Variants in CSGALNACT1 observed in about 807,000 individuals in gnomAD.
CSGALNACT1 encodes the protein beta4GalNAcT-1.
In CSGALNACT1, 52 loss-of-function variants were observed where a neutral mutation model predicts 51.0. That is an observed-to-expected ratio of 1.02 (90% CI 0.82 to 1.29). The LOEUF (loss-of-function observed/expected upper bound fraction) is 1.29, where lower values mean the gene tolerates loss of function less well. CSGALNACT1 is among the 50% of genes most tolerant of loss of function. The pLI, the probability that CSGALNACT1 is intolerant of heterozygous loss-of-function variation, is 0.00. For synonymous variants in CSGALNACT1, 341 were observed against 254.4 expected (o/e 1.34, Z -3.24); for missense variants, 935 against 679.2 (o/e 1.38, Z -4.19).
At chr8:19,627,937 A>G (rs921018355) in intron 1 of CSGALNACT1, among the ~76,000 whole-genome samples, 6 of 152,188 alleles carry the variant, frequency 3.9e-5, no homozygotes, top group African/African-American at 1.4e-4. Context: ...AAGTACTATA[A>G]CTATGAAAGA....
At chr8:19,647,907 AAG>A (rs2057423822) in intron 1 of CSGALNACT1, among the ~76,000 whole-genome samples, 1 of 152,194 alleles carries the variant, frequency 6.6e-6, no homozygotes, top group Non-Finnish European at 1.5e-5. Flanking sequence ...GAATAAAAGA[AAG>A]GCACTCTGTG....
chr8:19,562,676 G>T (rs953609181), intron 3 of CSGALNACT1, among the ~76,000 whole-genome samples: 19 of 152,202 alleles, frequency 1.2e-4, no homozygotes, highest in South Asian at 8.3e-4. Flanking sequence ...AACATATGAA[G>T]AAAAGCTCAA....
chr8:19,696,309 G>A (rs2061579910), intron 1 of CSGALNACT1, among the ~76,000 whole-genome samples: 1 of 152,212 alleles, frequency 6.6e-6, no homozygotes, highest in Admixed American at 6.5e-5. Context: ...GATAATGTGT[G>A]TCATATTTTT....
At chr8:19,626,797 G>A (rs903328866) in intron 1 of CSGALNACT1, among the ~76,000 whole-genome samples, 3 of 152,152 alleles carry the variant, frequency 2.0e-5, no homozygotes, top group African/African-American at 7.2e-5. Flanking sequence ...GAGAATATGG[G>A]TGGTGAGTAA....
intron 1 of CSGALNACT1, among the ~76,000 whole-genome samples, chr8:19,745,002 T>C (rs974021185): frequency 2.0e-5 from 3 of 152,190 alleles, no homozygotes; most frequent in African/African-American, 7.2e-5. Flanking sequence ...TTGGTACCCA[T>C]AAAGGTACCA....
Position 19,672,343 on chromosome 8 carries a change from G to T in CSGALNACT1, c.-544+10130C>A, listed in dbSNP as rs974949598. Among the ~76,000 whole-genome samples the T allele has an allele frequency of 2.6e-5, 4 of 152,016 alleles. No homozygotes were observed. The East Asian group carries it at 5.8e-4, about 22-fold the overall frequency. ...TGCAATACCCATTAGATTAATAAATGAACAAAAAAAATTGAGTGTTCATAA... is the reference window on the plus strand; with the variant it reads ...TGCAATACCCATTAGATTAATAAATTAACAAAAAAAATTGAGTGTTCATAA... On this transcript the variant is annotated intron_variant, in intron 1 of 9. Transcript: ENST00000332246.
chr8:19,443,736 A>T (rs2061687212), intron 5 of CSGALNACT1, among the ~76,000 whole-genome samples: 1 of 152,298 alleles, frequency 6.6e-6, no homozygotes, highest in South Asian at 2.1e-4. Context: ...GGATATAGCT[A>T]AACCATATTA....
Position 19,525,742 on chromosome 8 carries a change from C to T in CSGALNACT1, c.-296-19612G>A, listed in dbSNP as rs148159393. Among the ~76,000 whole-genome samples the T allele has an allele frequency of 2.2e-4, 34 of 151,578 alleles. No homozygotes were observed. In the East Asian group the frequency reaches 5.0e-3, roughly 22 times the overall value. On this transcript the variant is annotated intron_variant, in intron 3 of 9. Coordinates refer to ENST00000454498, the Ensembl canonical transcript of CSGALNACT1. ...CAACAGAGAGAAAGCAGCCTGCCCT[C>T]GGAGCACATTTGAGGTACATGAATG...
intron 3 of CSGALNACT1, among the ~76,000 whole-genome samples, chr8:19,555,997 GT>G (rs929397117): frequency 1.3e-5 from 2 of 152,118 alleles, no homozygotes; most frequent in African/African-American, 4.8e-5. Flanking sequence ...TCTGTGGTGT[GT>G]TTTTTTACCC....
Position 19,444,116 on chromosome 8 carries a change from C to A in CSGALNACT1, c.852-4185G>T, listed in dbSNP as rs540626724. 3.3e-5 allele frequency among the ~76,000 whole-genome samples: 5 copies of A among 152,314 alleles called. No homozygotes were observed. In the South Asian group the frequency reaches 1.0e-3, roughly 32 times the overall value. Reference sequence around the variant, plus strand: ...TCCTGCTGTGTGGCCTAGTTCCTAACAGGCCACAGACCAGTAATGGTGTGT... The same window carrying A: ...TCCTGCTGTGTGGCCTAGTTCCTAAAAGGCCACAGACCAGTAATGGTGTGT... On this transcript the variant is annotated intron_variant, in intron 5 of 9. Transcript: ENST00000454498.
At chr8:19,615,851 A>G (rs1267659486) in intron 1 of CSGALNACT1, among the ~76,000 whole-genome samples, 2 of 151,876 alleles carry the variant, frequency 1.3e-5, no homozygotes, top group Non-Finnish European at 2.9e-5. Context: ...ACCATTTAAC[A>G]GGACAAAGAA....
At chr8:19,406,104 C>T (rs1339087776) in intron 9 of CSGALNACT1, 35 bp from the exon 9 acceptor site, 1 of 1,613,074 alleles carries the variant, frequency 6.2e-7, no homozygotes, top group Admixed American at 1.7e-5. Flanking sequence ...AATCACACTG[C>T]ACTGATCTGT....
At chr8:19,540,045 C>T (rs1183633606) in intron 3 of CSGALNACT1, among the ~76,000 whole-genome samples, 2 of 152,088 alleles carry the variant, frequency 1.3e-5, no homozygotes, top group Non-Finnish European at 1.5e-5. Context: ...AGTAGCAGAG[C>T]CACAAAAGAC....
chr8:19,406,479 TAGA>T (rs2054199288), intron 9 of CSGALNACT1, among the ~76,000 whole-genome samples: 1 of 152,006 alleles, frequency 6.6e-6, no homozygotes, highest in Non-Finnish European at 1.5e-5. Context: ...TAAAAATAGC[TAGA>T]AGACTGATAA....
chr8:19,731,446 T>C (rs1490425482), intron 1 of CSGALNACT1, among the ~76,000 whole-genome samples: 2 of 151,886 alleles, frequency 1.3e-5, no homozygotes, highest in Non-Finnish European at 2.9e-5. Flanking sequence ...AGGTGGAGGG[T>C]GCAGTGAGCC....
At chr8:19,557,441 G>C (rs188110761) in intron 3 of CSGALNACT1, among the ~76,000 whole-genome samples, 1 of 152,182 alleles carries the variant, frequency 6.6e-6, no homozygotes, top group East Asian at 1.9e-4. Context: ...CCAAATCCTG[G>C]ACCAGGGCCT....
chr8:19,548,775 C>G (rs1460018943), intron 3 of CSGALNACT1, among the ~76,000 whole-genome samples: 1 of 152,120 alleles, frequency 6.6e-6, no homozygotes, highest in Non-Finnish European at 1.5e-5. Flanking sequence ...TAGCTGTTTT[C>G]TTTAGTATTT....
At chr8:19,513,933 A>G (rs2078981019) in intron 3 of CSGALNACT1, among the ~76,000 whole-genome samples, 1 of 152,156 alleles carries the variant, frequency 6.6e-6, no homozygotes, top group African/African-American at 2.4e-5. Context: ...AAAGAAGCCA[A>G]AATGACCTGA....
At chr8:19,534,997 G>C (rs891777842) in intron 3 of CSGALNACT1, among the ~76,000 whole-genome samples, 4 of 152,140 alleles carry the variant, frequency 2.6e-5, no homozygotes, top group Non-Finnish European at 5.9e-5. Context: ...ACCAAAAGAT[G>C]TTGCCAGGTT....
Sources: allele counts gnomAD v4.1 joint callset (sites outside exome capture counted in the v4.1 genomes callset), GRCh38; gene constraint gnomAD v4.1.1; transcripts MANE v1.5; gene names NCBI Gene and HGNC (gene_info 2026-07-23, HGNC 2026-07-21).